CPAMD8: variants seen among roughly 807,000 people sequenced by gnomAD.
The protein encoded by CPAMD8 is C3 and PZP like alpha-2-macroglobulin domain containing 8, also known as C3 and PZP-like alpha-2-macroglobulin domain-containing protein 8.
Under a neutral mutation model 224.7 loss-of-function variants are expected in CPAMD8, and 146 were observed. That is an observed-to-expected ratio of 0.65 (90% CI 0.57 to 0.75). CPAMD8 has a LOEUF of 0.75. Ranked by LOEUF, CPAMD8 falls within the 30% of genes least tolerant of loss-of-function variation. The pLI, the probability that CPAMD8 is intolerant of heterozygous loss-of-function variation, is 0.00. For missense variants in CPAMD8, 2,301 were observed against 2,537.5 expected (o/e 0.91, Z 2.00); for synonymous variants, 966 against 1,044.6 (o/e 0.92, Z 1.45).
intron 34 of CPAMD8, 111 bp from the exon 35 acceptor site, chr19:16,902,974 C>A: frequency 1.5e-6 from 1 of 649,422 alleles, no homozygotes; most frequent in Non-Finnish European, 2.7e-6. Flanking sequence ...ATTATGAGGA[C>A]AATGACATCC....
intron 27 of CPAMD8, among the ~76,000 whole-genome samples, chr19:16,919,751 G>T (rs2053098314): frequency 6.6e-6 from 1 of 152,216 alleles, no homozygotes; most frequent in African/African-American, 2.4e-5. Flanking sequence ...GAAGACCAGA[G>T]CCTAGCTCAC....
At chr19:16,952,258 G>C in intron 19 of CPAMD8, 58 bp from the exon 20 acceptor site, 2 of 980,830 alleles carry the variant, frequency 2.0e-6, no homozygotes, top group South Asian at 2.8e-5. Flanking sequence ...TGCCTCAGGG[G>C]GGCCAGTGGG....
At chr19:16,927,744 C>G (rs1392819258) in intron 25 of CPAMD8, among the ~76,000 whole-genome samples, 1 of 152,204 alleles carries the variant, frequency 6.6e-6, no homozygotes, top group Admixed American at 6.5e-5. Flanking sequence ...AAGGTTTAGA[C>G]TTGGGGGGCT....
In CPAMD8 at chr19:16,899,224, T is replaced by G. The variant is rs1207798076; in HGVS notation, c.4848+251A>C. 6.6e-6 allele frequency among the ~76,000 whole-genome samples: 1 copy of G among 152,004 alleles called. No individual in the cohort carries two copies. The highest frequency in any genetic ancestry group is 1.9e-4 in the East Asian group (1 of 5,178). On this transcript the variant is annotated intron_variant, in intron 37 of 41. Transcript: ENST00000443236. The surrounding 1 kb of genome is among the most constrained non-coding windows in gnomAD (Gnocchi z 5.4). ...GCGTAAGCCAAAGGGCCTGGGCACTTTTTTATATTTTTTGTAAAGATGGGG... is the reference window on the plus strand; with the variant it reads ...GCGTAAGCCAAAGGGCCTGGGCACTGTTTTATATTTTTTGTAAAGATGGGG...
At chr19:16,953,002 T>C (rs150548786) in intron 19 of CPAMD8, among the ~76,000 whole-genome samples, 1 of 152,036 alleles carries the variant, frequency 6.6e-6, no homozygotes, top group Admixed American at 6.6e-5. Context: ...AATCAATGTG[T>C]TACTGGCATA....
intron 8 of CPAMD8, among the ~76,000 whole-genome samples, chr19:17,003,204 C>T (rs1392415509): frequency 6.6e-6 from 1 of 150,484 alleles, no homozygotes; most frequent in African/African-American, 2.4e-5. Context: ...TGCCTGGCCA[C>T]CTTTTTTTTT....
At chr19:16,928,383 G>T in intron 24 of CPAMD8, 149 bp from the exon 25 acceptor site, 1 of 628,344 alleles carries the variant, frequency 1.6e-6, no homozygotes, top group South Asian at 1.9e-5. Context: ...AGAGGTGAGA[G>T]AAATCAGGTT....
At position 17,008,668 on chromosome 19, in the gene CPAMD8, A is replaced by G. The variant is rs370218142; in HGVS notation, c.505-109T>C. On this transcript the variant is annotated intron_variant, in intron 6 of 41. Coordinates refer to ENST00000443236, the MANE Select transcript of CPAMD8 (RefSeq NM_015692.5). Reference sequence around the variant, plus strand: ...TCTCTCTTGGGCATGTCAACCATGCAGCGAAGGTCCCAAGATTAATCATTA... The same window carrying G: ...TCTCTCTTGGGCATGTCAACCATGCGGCGAAGGTCCCAAGATTAATCATTA... 5 of 1,211,614 alleles carry G rather than the reference A, an allele frequency of 4.1e-6. No homozygotes were observed. The African/African-American group carries it at 7.5e-5, about 18-fold the overall frequency. The allele number at this position is 1,211,614 out of a possible 1,614,324, so 75.1% of individuals were successfully genotyped here.
chr19:17,022,103 T>C lies in CPAMD8; in HGVS notation c.171A>G (p.Pro57=). 6.2e-7 allele frequency: 1 copy of C among 1,606,064 alleles called. No individual in the cohort carries two copies. Among genetic ancestry groups the C allele is most frequent in the East Asian group, 2.2e-5 (1 of 44,620 alleles). Residue 57 remains proline (P), a synonymous_variant, in exon 2 of 42, where the codon CCA becomes CCG. Coordinates refer to ENST00000443236, the MANE Select transcript of CPAMD8 (RefSeq NM_015692.5). ...GCTGAGCCTGGACCGTGACTTCCCTTGGAGAGTTAAAGATGGTCACGCTGA... is the reference window on the plus strand; with the variant it reads ...GCTGAGCCTGGACCGTGACTTCCCTCGGAGAGTTAAAGATGGTCACGCTGA... The part of the protein sequence containing the change: ...EVISVTIFNS[P]REVTVQAQLV...
In CPAMD8 at chr19:16,957,928, A is replaced by G; in HGVS notation, c.2214-13T>C. 3 of 1,610,534 alleles carry G rather than the reference A, an allele frequency of 1.9e-6. No individual in the cohort carries two copies. In the South Asian group the frequency reaches 3.3e-5, roughly 18 times the overall value. ...TCTCTTCTCTGTTCTATGAAAAGAA[A>G]AAAAGAAACGATTAAGGTTTCATGA... On this transcript the variant is annotated splice_polypyrimidine_tract_variant and intron_variant, in intron 18 of 41. Transcript: ENST00000443236.
intron 10 of CPAMD8, among the ~76,000 whole-genome samples, chr19:16,999,476 T>C (rs959861191): frequency 6.6e-6 from 1 of 150,448 alleles, no homozygotes; most frequent in Non-Finnish European, 1.5e-5. Flanking sequence ...TCCCAGCTAC[T>C]GGGGAGGCTG....
At chr19:16,971,459 T>C (rs1318133163) in intron 17 of CPAMD8, among the ~76,000 whole-genome samples, 1 of 152,132 alleles carries the variant, frequency 6.6e-6, no homozygotes, top group African/African-American at 2.4e-5. Context: ...ACATTTGAAC[T>C]GTGCAACCAA....
At chr19:16,984,773 C>T (rs1448427045) in intron 13 of CPAMD8, among the ~76,000 whole-genome samples, 1 of 152,108 alleles carries the variant, frequency 6.6e-6, no homozygotes, top group East Asian at 1.9e-4. Flanking sequence ...CCTTGGGAGG[C>T]TGAGGCAGAG....
At chr19:16,940,206 C>T (rs1476444264) in intron 22 of CPAMD8, among the ~76,000 whole-genome samples, 1 of 152,182 alleles carries the variant, frequency 6.6e-6, no homozygotes, top group African/African-American at 2.4e-5. Context: ...GCCACCACGC[C>T]CGGCCTCCTG....
At chr19:16,972,595 C>T (rs910598418) in intron 17 of CPAMD8, among the ~76,000 whole-genome samples, 2 of 152,078 alleles carry the variant, frequency 1.3e-5, no homozygotes, top group African/African-American at 4.8e-5. Flanking sequence ...CCACCACGCC[C>T]GGCTAATTTT....
chr19:16,911,573 T>C (rs2052729571), intron 29 of CPAMD8, among the ~76,000 whole-genome samples: 1 of 151,666 alleles, frequency 6.6e-6, no homozygotes, highest in Non-Finnish European at 1.5e-5. Context: ...TGAGACAGAG[T>C]CTGGCACTCT....
intron 14 of CPAMD8, among the ~76,000 whole-genome samples, chr19:16,979,639 T>C (rs1487168328): frequency 6.6e-6 from 1 of 151,824 alleles, no homozygotes; most frequent in African/African-American, 2.4e-5. Context: ...TCCATCTTTC[T>C]ATCTGTCCAT....
chr19:17,002,400 C>A, intron 8 of CPAMD8, 50 bp from the exon 9 acceptor site: 1 of 1,317,054 alleles, frequency 7.6e-7, no homozygotes. Context: ...CCTAAGGTGG[C>A]CTCAGGAGCC....
At chr19:17,007,480 G>A (rs1305473931) in intron 7 of CPAMD8, among the ~76,000 whole-genome samples, 1 of 150,876 alleles carries the variant, frequency 6.6e-6, no homozygotes, top group African/African-American at 2.4e-5. Flanking sequence ...GGAGGAGGAG[G>A]GAGAATAAGA....
Sources: gnomAD v4.1 joint callset for allele counts (sites outside exome capture counted in the v4.1 genomes callset) on GRCh38, gnomAD v4.1.1 for gene constraint, Gnocchi (gnomAD v3.1) non-coding constraint, MANE v1.5 for transcripts, NCBI Gene and HGNC (gene_info 2026-07-23, HGNC 2026-07-21) for gene names.